Variants in USH2A observed in about 807,000 individuals in gnomAD.
USH2A encodes the protein usherin, also known as Usher syndrome 2A (autosomal recessive, mild).
USH2A carries 443 observed loss-of-function variants against 538.9 expected under a neutral mutation model. The ratio of observed to expected loss-of-function variants is 0.82; its 90% CI spans 0.76 to 0.89. The LOEUF is 0.89. Ranked by LOEUF, USH2A falls within the 40% of genes least tolerant of loss-of-function variation. The pLI, the probability that USH2A is intolerant of heterozygous loss-of-function variation, is 0.00. For synonymous variants in USH2A, 2,413 were observed against 2,273.5 expected (o/e 1.06, Z -1.75); for missense variants, 6,633 against 6,324.8 (o/e 1.05, Z -1.65).
chr1:215,878,637 G>A, intron 42 of USH2A, 127 bp downstream of exon 42: 1 of 868,398 alleles, frequency 1.2e-6, no homozygotes, highest in African/African-American at 1.7e-5. Flanking sequence ...TGAAAGTTAT[G>A]AGTCAGGGGA....
At chr1:215,779,708 C>T in intron 55 of USH2A, 135 bp downstream of exon 55, 1 of 1,048,600 alleles carries the variant, frequency 9.5e-7, no homozygotes, top group East Asian at 2.6e-5. Flanking sequence ...ATAAGTGGGA[C>T]CTGACCATAT....
intron 35 of USH2A, among the ~76,000 whole-genome samples, chr1:215,974,931 C>G (rs776536712): frequency 6.6e-6 from 1 of 152,064 alleles, no homozygotes; most frequent in Non-Finnish European, 1.5e-5. Context: ...CCACAGTGGC[C>G]GAACTAATTT....
chr1:216,353,188 T>A (rs998980693), intron 4 of USH2A, among the ~76,000 whole-genome samples: 1 of 151,742 alleles, frequency 6.6e-6, no homozygotes, highest in Admixed American at 6.6e-5. Flanking sequence ...TGAGAGATAG[T>A]GGAAAGTCGT....
At chr1:216,256,898 G>T (rs184614103) in intron 11 of USH2A, among the ~76,000 whole-genome samples, 3 of 152,068 alleles carry the variant, frequency 2.0e-5, no homozygotes, top group Non-Finnish European at 4.4e-5. Context: ...ATTTTTGACT[G>T]TGCAGGGAAT....
chr1:216,052,641 C>T (rs1216707870), intron 30 of USH2A, among the ~76,000 whole-genome samples: 2 of 152,188 alleles, frequency 1.3e-5, no homozygotes, highest in East Asian at 3.9e-4. Flanking sequence ...TAATGGTTCA[C>T]TGTGCTTTCT....
At chr1:216,385,433 G>A (rs996224227) in intron 3 of USH2A, among the ~76,000 whole-genome samples, 2 of 152,114 alleles carry the variant, frequency 1.3e-5, no homozygotes, top group Non-Finnish European at 2.9e-5. Context: ...GTAAAGAAAT[G>A]AAAGACAGAG....
chr1:215,816,860 T>G, intron 48 of USH2A, 137 bp downstream of exon 48: 1 of 960,234 alleles, frequency 1.0e-6, no homozygotes, highest in South Asian at 1.4e-5. Flanking sequence ...GTAAGCATCC[T>G]TTCTTTTCCG....
At chr1:216,138,918 ATGTGTGTGTGTG>A (rs534404810) in intron 21 of USH2A, among the ~76,000 whole-genome samples, 1 of 148,736 alleles carries the variant, frequency 6.7e-6, no homozygotes, top group South Asian at 2.1e-4. Flanking sequence ...GCATATATTA[ATGTGTGTGTGTG>A]TGTGTGTGTG....
chr1:216,358,245 A>C (rs895193424), intron 4 of USH2A, among the ~76,000 whole-genome samples: 1 of 152,154 alleles, frequency 6.6e-6, no homozygotes, highest in African/African-American at 2.4e-5. Flanking sequence ...CAGAGAACCA[A>C]GTCAAACCTA....
Position 215,798,929 on chromosome 1 carries a change from T to C in USH2A, c.9936A>G (p.Gly3312=), listed in dbSNP as rs1662219138. The change falls in exon 50 of 72, where the codon GGA becomes GGG. Residue 3312 remains glycine, a synonymous_variant. Coordinates refer to ENST00000307340, the MANE Select transcript of USH2A (RefSeq NM_206933.4). ...NDLECCGGEE[G]VVYNRLPGMF... ...TACCTGGAAGGCGATTGTACACCACTCCTTCTTCTCCACCACAACACTCTA... is the reference window on the plus strand; with the variant it reads ...TACCTGGAAGGCGATTGTACACCACCCCTTCTTCTCCACCACAACACTCTA... 6.2e-7 allele frequency: 1 copy of C among 1,613,968 alleles called. No homozygotes were observed. Among genetic ancestry groups the C allele is most frequent in the South Asian group, 1.1e-5 (1 of 91,084 alleles).
intron 4 of USH2A, among the ~76,000 whole-genome samples, chr1:216,364,659 A>G (rs113636035): frequency 1.7e-3 from 263 of 152,282 alleles, no homozygotes; most frequent in African/African-American, 5.8e-3. Flanking sequence ...CAGCAAGTAA[A>G]GGAACACTAA....
intron 21 of USH2A, among the ~76,000 whole-genome samples, chr1:216,169,742 CT>C (rs1204681412): frequency 1.3e-5 from 2 of 152,070 alleles, no homozygotes; most frequent in African/African-American, 2.4e-5. Context: ...ATTATTTCTC[CT>C]TTACTTTGCT....
chr1:216,366,063 C>T (rs565382889), intron 3 of USH2A, among the ~76,000 whole-genome samples: 102 of 152,250 alleles, frequency 6.7e-4, no homozygotes, highest in South Asian at 3.3e-3. Flanking sequence ...GCTGTTTGGA[C>T]ATCAACTTCA....
At chr1:215,910,825 T>C (rs1665763399) in intron 38 of USH2A, among the ~76,000 whole-genome samples, 1 of 151,900 alleles carries the variant, frequency 6.6e-6, no homozygotes, top group African/African-American at 2.4e-5. Flanking sequence ...TTATTGCTTC[T>C]CTCTGTAATT....
chr1:215,723,303 C>T (rs899975323), intron 61 of USH2A, among the ~76,000 whole-genome samples: 2 of 152,090 alleles, frequency 1.3e-5, no homozygotes, highest in Non-Finnish European at 1.5e-5. Context: ...CTGCTGCTGC[C>T]GCTGCTGCTG....
At chr1:216,010,987 A>G (rs367796865) in intron 32 of USH2A, among the ~76,000 whole-genome samples, 23 of 152,170 alleles carry the variant, frequency 1.5e-4, no homozygotes, top group African/African-American at 5.1e-4. Context: ...CTCAATGCCA[A>G]TATCCCACCT....
In USH2A at chr1:216,250,367, C is replaced by A. The variant is rs144372429; in HGVS notation, c.2167+536G>T. 4.7e-3 allele frequency among the ~76,000 whole-genome samples: 717 copies of A among 152,130 alleles called. 7 individuals carry two copies. Among genetic ancestry groups the A allele is most frequent in the African/African-American group, 0.017 (695 of 41,508 alleles). ...AAATTATGTAGCCCTTTGTAAGTAA[C>A]CCTAGCAATATACATGATCTGTAGA... is the stretch of plus-strand genomic sequence containing the variant. On this transcript the variant is annotated intron_variant, in intron 12 of 71. Coordinates refer to ENST00000307340, the MANE Select transcript of USH2A (RefSeq NM_206933.4).
intron 21 of USH2A, among the ~76,000 whole-genome samples, chr1:216,166,672 C>T (rs949615156): frequency 2.6e-5 from 4 of 151,992 alleles, no homozygotes; most frequent in African/African-American, 4.8e-5. Context: ...AGTGCCAATT[C>T]AAGGAGAGTT....
At chr1:215,686,547 T>C (rs904072161) in intron 61 of USH2A, among the ~76,000 whole-genome samples, 1 of 152,052 alleles carries the variant, frequency 6.6e-6, no homozygotes, top group African/African-American at 2.4e-5. Flanking sequence ...GGGCTGTGAA[T>C]GTCACTCTAA....
Sources: gnomAD v4.1 joint callset for allele counts (sites outside exome capture counted in the v4.1 genomes callset) on GRCh38, gnomAD v4.1.1 for gene constraint, MANE v1.5 for transcripts, NCBI Gene and HGNC (gene_info 2026-07-23, HGNC 2026-07-21) for gene names.